Variants in GKAP1 observed in about 807,000 individuals in gnomAD.
GKAP1 encodes the protein G kinase-anchoring protein 1.
A neutral mutation model predicts 56.7 loss-of-function variants in GKAP1; 31 were observed. That is an observed-to-expected ratio of 0.55 (90% CI 0.41 to 0.74). The LOEUF (loss-of-function observed/expected upper bound fraction) is 0.74, where lower values mean the gene tolerates loss of function less well. GKAP1 is among the 30% of genes least tolerant of loss of function. The probability of loss-of-function intolerance (pLI) is 0.00; values close to 1 mark genes in which losing one functional copy is unlikely to be tolerated. For missense variants in GKAP1, 364 were observed against 402.3 expected, an observed-to-expected ratio of 0.90 and a Z score of 0.82; for synonymous variants, 151 against 138.6, an observed-to-expected ratio of 1.09 and a Z score of -0.63.
chr9:83,768,129 T>A (rs551230203), intron 8 of GKAP1, among the ~76,000 whole-genome samples: 53 of 152,338 alleles, frequency 3.5e-4, no homozygotes, highest in Non-Finnish European at 5.3e-4. Flanking sequence ...CTTCTTAGTT[T>A]CACAGAAAAG....
chr9:83,795,697 T>G (rs755394999), intron 4 of GKAP1, among the ~76,000 whole-genome samples: 1 of 148,160 alleles, frequency 6.7e-6, no homozygotes, highest in Non-Finnish European at 1.5e-5. Context: ...ACTACAGGCA[T>G]GCGCTACCAC....
intron 4 of GKAP1, among the ~76,000 whole-genome samples, chr9:83,789,357 T>C (rs1179356453): frequency 6.6e-6 from 1 of 152,336 alleles, no homozygotes; most frequent in South Asian, 2.1e-4. Flanking sequence ...CTTTTCCTAA[T>C]TGCCAAACAG....
At chr9:83,813,638 A>T (rs1308299785) in intron 2 of GKAP1, among the ~76,000 whole-genome samples, 1 of 152,262 alleles carries the variant, frequency 6.6e-6, no homozygotes, top group Non-Finnish European at 1.5e-5. Flanking sequence ...AGTTGAAGGA[A>T]GACAAAATAA....
At chr9:83,754,180 A>T (rs1445315779) in intron 8 of GKAP1, among the ~76,000 whole-genome samples, 2 of 152,212 alleles carry the variant, frequency 1.3e-5, no homozygotes, top group East Asian at 3.8e-4. Flanking sequence ...TGTAAGGATG[A>T]TACTTTTAAA....
At chr9:83,815,673 C>G (rs1321554199) in intron 2 of GKAP1, among the ~76,000 whole-genome samples, 1 of 152,076 alleles carries the variant, frequency 6.6e-6, no homozygotes, top group East Asian at 1.9e-4. Flanking sequence ...TAGCCATCTT[C>G]TATTAACACT....
chr9:83,760,668 T>C (rs1446329891), intron 8 of GKAP1, among the ~76,000 whole-genome samples: 2 of 152,084 alleles, frequency 1.3e-5, no homozygotes, highest in Non-Finnish European at 2.9e-5. Flanking sequence ...ATCAAGCATC[T>C]TTTCTGACCA....
rs1275739831 is a variant in GKAP1, at chr9:83,804,122, A to AG, written c.216+2179dup. Among the ~76,000 whole-genome samples, 12 of 114,872 alleles carry AG rather than the reference A, an allele frequency of 1.0e-4. No individual in the cohort carries two copies. In the South Asian group the frequency reaches 2.3e-3, roughly 22 times the overall value. The allele number at this position is 114,872 out of a possible 152,430, so 75.4% of individuals were successfully genotyped here. A position where few individuals can be genotyped will look rare whatever the true frequency, so the allele number is the denominator to read the frequency against. ...CAGCCGCCCCGTCCGGGAGGGAGGT[A>AG]GGGGGGTCAGCCCCCCGCACGGCCA... On this transcript the variant is annotated intron_variant, in intron 3 of 12. Transcript: ENST00000376371.
intron 4 of GKAP1, among the ~76,000 whole-genome samples, chr9:83,794,640 CA>C (rs1172878543): frequency 2.4e-4 from 36 of 152,146 alleles, no homozygotes; most frequent in African/African-American, 8.2e-4. Context: ...AAGAAATACA[CA>C]ATAAAATTTG....
At chr9:83,760,601 T>C (rs1179871238) in intron 8 of GKAP1, among the ~76,000 whole-genome samples, 2 of 152,168 alleles carry the variant, frequency 1.3e-5, no homozygotes, top group African/African-American at 2.4e-5. Flanking sequence ...CTCTCAAGGA[T>C]AGACCCTGTG....
rs777818268 is a variant in GKAP1 at position 83,753,369 on chromosome 9, G to A, written c.739-10C>T. The A allele has an allele frequency of 2.0e-6, 3 of 1,472,434 alleles. No homozygotes were observed. The highest frequency in any genetic ancestry group is 1.9e-6 in the Non-Finnish European group (2 of 1,053,012). The allele number at this position is 1,472,434 out of a possible 1,614,324, so 91.2% of individuals were successfully genotyped here. ...CTTTCAGAACCACTTCCTGAAAAGA[G>A]AGAAACAACACTTTAGGACTTTGAT... On this transcript the variant is annotated splice_polypyrimidine_tract_variant and intron_variant, in intron 8 of 12. Transcript: ENST00000376371.
intron 6 of GKAP1, among the ~76,000 whole-genome samples, chr9:83,780,965 A>G (rs1252891028): frequency 1.3e-5 from 2 of 152,248 alleles, no homozygotes; most frequent in East Asian, 1.9e-4. Flanking sequence ...AAAATAACCC[A>G]TAACAAATAC....
At chr9:83,785,179 G>A (rs4877811) in intron 5 of GKAP1, among the ~76,000 whole-genome samples, 83,092 of 151,660 alleles carry the variant, frequency 0.55, 23,643 homozygotes, top group Admixed American at 0.69. Context: ...TGATACTAAA[G>A]TTAAGGTCAA....
intron 2 of GKAP1, among the ~76,000 whole-genome samples, chr9:83,810,261 A>T (rs1944489503): frequency 6.6e-6 from 1 of 152,248 alleles, no homozygotes; most frequent in Non-Finnish European, 1.5e-5. Flanking sequence ...ATACAAATGA[A>T]ATTTTAATGG....
chr9:83,799,708 C>A (rs1018671354), intron 3 of GKAP1, among the ~76,000 whole-genome samples: 1 of 152,092 alleles, frequency 6.6e-6, no homozygotes, highest in East Asian at 1.9e-4. Context: ...AATCTTAGCC[C>A]ATTGGAAGGG....
At chr9:83,782,347 A>G (rs958806892) in intron 6 of GKAP1, among the ~76,000 whole-genome samples, 2 of 150,708 alleles carry the variant, frequency 1.3e-5, no homozygotes, top group East Asian at 3.9e-4. Context: ...CTTTTTTACT[A>G]ATCTTGGATT....
intron 6 of GKAP1, among the ~76,000 whole-genome samples, 192 bp from the exon 7 acceptor site, chr9:83,780,596 T>C (rs1259417439): frequency 6.6e-6 from 1 of 152,150 alleles, no homozygotes. Context: ...AAATTCAGTA[T>C]ATAATTACTA....
intron 8 of GKAP1, among the ~76,000 whole-genome samples, chr9:83,760,126 A>ATGATCTGT (rs1157346779): frequency 6.6e-6 from 1 of 152,166 alleles, no homozygotes; most frequent in Non-Finnish European, 1.5e-5. Context: ...ATAAGACCCA[A>ATGATCTGT]TGATCTGTTG....
chr9:83,772,633 T>A (rs1331723218), intron 7 of GKAP1, among the ~76,000 whole-genome samples: 1 of 152,090 alleles, frequency 6.6e-6, no homozygotes, highest in Non-Finnish European at 1.5e-5. Context: ...CTATTTTGTA[T>A]CAATAAAAAA....
At chr9:83,773,147 C>T (rs929924460) in intron 7 of GKAP1, among the ~76,000 whole-genome samples, 3 of 152,134 alleles carry the variant, frequency 2.0e-5, no homozygotes, top group Non-Finnish European at 4.4e-5. Context: ...AAGCCTATAA[C>T]CTGGTGAATA....
Sources: gnomAD v4.1 joint callset for allele counts (sites outside exome capture counted in the v4.1 genomes callset) on GRCh38, gnomAD v4.1.1 for gene constraint, MANE v1.5 for transcripts, NCBI Gene and HGNC (gene_info 2026-07-23, HGNC 2026-07-21) for gene names.